PKD2L2: variants seen among roughly 807,000 people sequenced by gnomAD.
The protein encoded by PKD2L2 is polycystin 2 like 2, transient receptor potential cation channel.
PKD2L2 carries 67 observed loss-of-function variants against 83.9 expected under a neutral mutation model. The ratio of observed to expected loss-of-function variants is 0.80; its 90% confidence interval spans 0.66 to 0.98. PKD2L2 has a LOEUF of 0.98. Among genes scored for constraint, PKD2L2 ranks in the 50% least tolerant of loss-of-function variants. The pLI is 0.00. For synonymous variants in PKD2L2, 223 were observed against 237.8 expected (o/e 0.94, Z 0.57); for missense variants, 632 against 717.2 (o/e 0.88, Z 1.36).
chr5:137,917,074 CTT>C (rs1389355982), intron 8 of PKD2L2, among the ~76,000 whole-genome samples: 1 of 151,708 alleles, frequency 6.6e-6, no homozygotes, highest in Non-Finnish European at 1.5e-5. Flanking sequence ...GCACCTTTCT[CTT>C]TCTCTTATCC....
At chr5:137,940,442 A>T (rs1581025783) in intron 14 of PKD2L2, 1 of 766,886 alleles carries the variant, frequency 1.3e-6, no homozygotes, top group Non-Finnish European at 2.1e-6. Flanking sequence ...GTTACTAAAC[A>T]TAAGTTCAAA....
chr5:137,909,538 ATTTTTTT>A (rs144393648), intron 8 of PKD2L2, among the ~76,000 whole-genome samples: 1 of 85,322 alleles, frequency 1.2e-5, no homozygotes, highest in Non-Finnish European at 2.4e-5. Context: ...GACAAAAGAA[ATTTTTTT>A]TTTTTTTTTT....
intron 8 of PKD2L2, among the ~76,000 whole-genome samples, chr5:137,910,806 A>AG (rs397798437): frequency 1.3e-5 from 2 of 150,994 alleles, no homozygotes; most frequent in African/African-American, 4.9e-5. Context: ...AAAAAAAAAA[A>AG]GCTGGATGAC....
At chr5:137,896,425 G>A (rs192152577) in intron 4 of PKD2L2, among the ~76,000 whole-genome samples, 113 of 151,434 alleles carry the variant, frequency 7.5e-4, no homozygotes, top group African/African-American at 1.7e-3. Flanking sequence ...TGTTTTTTTC[G>A]TTAGGGGCAG....
intron 12 of PKD2L2, among the ~76,000 whole-genome samples, chr5:137,928,273 G>C (rs1178244381): frequency 3.3e-5 from 5 of 151,706 alleles, no homozygotes; most frequent in Non-Finnish European, 5.9e-5. Context: ...TGGAGAGGCT[G>C]GGCGAGCTGG....
At chr5:137,895,157 C>T (rs1756338294) in intron 4 of PKD2L2, among the ~76,000 whole-genome samples, 1 of 147,114 alleles carries the variant, frequency 6.8e-6, no homozygotes, top group South Asian at 2.2e-4. Flanking sequence ...CTGGTGTAGA[C>T]TCGTGTACAC....
At chr5:137,921,211 A>G (rs1034201134) in intron 8 of PKD2L2, among the ~76,000 whole-genome samples, 3 of 152,042 alleles carry the variant, frequency 2.0e-5, no homozygotes, top group African/African-American at 7.2e-5. Flanking sequence ...ATACAAAAAA[A>G]GTAGCTGGGC....
intron 12 of PKD2L2, 52 bp from the exon 13 acceptor site, chr5:137,935,745 T>C: frequency 1.1e-6 from 1 of 945,900 alleles, no homozygotes; most frequent in Non-Finnish European, 1.7e-6. Flanking sequence ...TGCCAAAGAC[T>C]TGAAATAGAG....
At position 137,910,801 on chromosome 5, in the gene PKD2L2, A is replaced by AG. The variant is rs1254885785; in HGVS notation, c.1328+1855_1328+1856insG. Among the ~76,000 whole-genome samples the AG allele has an allele frequency of 2.6e-5, 4 of 151,132 alleles. No individual in the cohort carries two copies. The East Asian group carries it at 5.8e-4, about 22-fold the overall frequency. On this transcript the variant is annotated intron_variant, in intron 8 of 14. Transcript: ENST00000508883. ...CTCAAAAAAAAAAGAAAAACAAAAA[A>AG]AAAAAGCTGGATGACATAGAAAACA...
chr5:137,897,083 G>A (rs1756549886), intron 4 of PKD2L2, among the ~76,000 whole-genome samples: 1 of 146,950 alleles, frequency 6.8e-6, no homozygotes, highest in African/African-American at 2.5e-5. Flanking sequence ...TATTGAGACA[G>A]GGTCTTGCTC....
intron 9 of PKD2L2, among the ~76,000 whole-genome samples, chr5:137,922,719 C>A (rs563764889): frequency 6.6e-6 from 1 of 152,272 alleles, no homozygotes; most frequent in Admixed American, 6.5e-5. Flanking sequence ...GCCTGGGCAA[C>A]AGGGTGGGAC....
intron 2 of PKD2L2, among the ~76,000 whole-genome samples, chr5:137,891,338 C>T (rs188047894): frequency 6.6e-6 from 1 of 152,162 alleles, no homozygotes; most frequent in Non-Finnish European, 1.5e-5. Flanking sequence ...TGGTGGCACA[C>T]CCCTGTAGTC....
chr5:137,889,587 G>T (rs1435651318), intron 1 of PKD2L2, 65 bp downstream of exon 1: 1 of 1,376,200 alleles, frequency 7.3e-7, no homozygotes. Flanking sequence ...CACCCTGAAA[G>T]GAACTCTGCG....
chr5:137,902,019 G>A (rs1446046268), intron 5 of PKD2L2, among the ~76,000 whole-genome samples: 2 of 151,940 alleles, frequency 1.3e-5, no homozygotes, highest in Non-Finnish European at 2.9e-5. Flanking sequence ...AAAGTGGGAG[G>A]GTGAAGGGTT....
intron 8 of PKD2L2, among the ~76,000 whole-genome samples, chr5:137,921,204 C>CA (rs369668541): frequency 1.4e-4 from 21 of 151,684 alleles, no homozygotes; most frequent in Admixed American, 3.9e-4. Context: ...ACTAAAAATA[C>CA]AAAAAAAGTA....
chr5:137,921,771 T>G lies in PKD2L2; in HGVS notation c.1449+15T>G. 6.4e-7 allele frequency: 1 copy of G among 1,553,420 alleles called. No homozygotes were observed. The highest frequency in any genetic ancestry group is 8.8e-7 in the Non-Finnish European group (1 of 1,141,278). On this transcript the variant is annotated intron_variant, in intron 9 of 14. Coordinates refer to ENST00000508883, the MANE Select transcript of PKD2L2 (RefSeq NM_001300921.2). ...TTGTCCTGCTGGTAAGAATAATACA[T>G]ATTCCTTTCATTTCTTACTTTTTAG...
At chr5:137,895,564 AGTGCAGTGCACACTTT>A (rs1459954446) in intron 4 of PKD2L2, among the ~76,000 whole-genome samples, 1 of 151,572 alleles carries the variant, frequency 6.6e-6, no homozygotes, top group Non-Finnish European at 1.5e-5. Context: ...TGCTGGTATC[AGTGCAGTGCACACTTT>A]GTGCTTTTAG....
At chr5:137,903,729 G>A (rs1757143715) in intron 5 of PKD2L2, among the ~76,000 whole-genome samples, 1 of 152,024 alleles carries the variant, frequency 6.6e-6, no homozygotes, top group Non-Finnish European at 1.5e-5. Context: ...TTTCCACATT[G>A]ACAGTAGAAC....
chr5:137,921,573 T>C (rs535410094), intron 8 of PKD2L2, 63 bp from the exon 9 acceptor site: 2 of 1,011,362 alleles, frequency 2.0e-6, no homozygotes, highest in East Asian at 2.4e-5. Context: ...CATTAGTAAC[T>C]CCCATCAGTT....
Sources: gnomAD v4.1 joint callset for allele counts (sites outside exome capture counted in the v4.1 genomes callset) on GRCh38, gnomAD v4.1.1 for gene constraint, MANE v1.5 for transcripts, NCBI Gene and HGNC (gene_info 2026-07-23, HGNC 2026-07-21) for gene names.